The following TLE1 variants were observed in gnomAD, a reference collection of about 807,000 sequenced individuals.
The protein encoded by TLE1 is transducin-like enhancer protein 1.
A neutral mutation model predicts 89.8 loss-of-function variants in TLE1; 21 were observed. The ratio of observed to expected loss-of-function variants is 0.23; its 90% CI spans 0.17 to 0.34. The LOEUF (loss-of-function observed/expected upper bound fraction) is 0.34. TLE1 is among the 10% of genes least tolerant of loss of function. The pLI, the probability that TLE1 is intolerant of heterozygous loss-of-function variation, is 1.00. For synonymous variants in TLE1, 447 were observed against 407.6 expected (o/e 1.10, Z -1.16); for missense variants, 795 against 1,031.2 (o/e 0.77, Z 3.14).
chr9:81,609,162 G>C (rs2132032604), intron 14 of TLE1, among the ~76,000 whole-genome samples: 1 of 150,508 alleles, frequency 6.6e-6, no homozygotes, highest in Admixed American at 6.6e-5. Flanking sequence ...TTCACTCACT[G>C]CAACCTCCGC....
intron 4 of TLE1, among the ~76,000 whole-genome samples, chr9:81,666,317 C>T (rs57208048): frequency 1.3e-5 from 2 of 152,046 alleles, no homozygotes; most frequent in East Asian, 3.9e-4. Context: ...CCCTGGGCCA[C>T]ACCCCAAGCA....
chr9:81,643,620 G>T (rs1828447456), intron 6 of TLE1, among the ~76,000 whole-genome samples: 1 of 142,270 alleles, frequency 7.0e-6, no homozygotes, highest in African/African-American at 3.1e-5. Flanking sequence ...TTGCAGCCTT[G>T]AAGTCCCAGA....
At chr9:81,614,178 G>C (rs1432349504) in intron 11 of TLE1, among the ~76,000 whole-genome samples, 1 of 151,978 alleles carries the variant, frequency 6.6e-6, no homozygotes, top group African/African-American at 2.4e-5. Context: ...AAAGTGCTGG[G>C]ATTACAGGCC....
intron 4 of TLE1, among the ~76,000 whole-genome samples, chr9:81,671,179 G>A (rs183005033): frequency 1.3e-5 from 2 of 151,510 alleles, no homozygotes; most frequent in Non-Finnish European, 2.9e-5. Context: ...AAACAAAAAA[G>A]AAACAAGGAT....
chr9:81,655,282 G>A (rs1045269884), intron 4 of TLE1, among the ~76,000 whole-genome samples: 1 of 152,086 alleles, frequency 6.6e-6, no homozygotes, highest in African/African-American at 2.4e-5. Flanking sequence ...AGAACTGCTT[G>A]AACGAGGGAG....
At chr9:81,671,709 A>C (rs1053057918) in intron 4 of TLE1, among the ~76,000 whole-genome samples, 44 of 152,274 alleles carry the variant, frequency 2.9e-4, no homozygotes, top group Admixed American at 2.9e-3. Context: ...AAACCTCCTT[A>C]TACTTCCTCC....
intron 14 of TLE1, among the ~76,000 whole-genome samples, chr9:81,595,406 C>A (rs754136309): frequency 1.3e-5 from 2 of 152,148 alleles, no homozygotes; most frequent in African/African-American, 2.4e-5. Flanking sequence ...GAATGCTCAA[C>A]GAACAAAGTC....
At position 81,635,042 on chromosome 9, in the gene TLE1, C is replaced by T. The variant is rs1041265955; in HGVS notation, c.373-741G>A. On this transcript the variant is annotated intron_variant, in intron 6 of 19. Transcript: ENST00000376499. ...CCCAGAAGGAATGAAGGCTCAAAGG[C>T]ACTGACTAAATTGCTGAAACTCTAT... 3.3e-5 allele frequency among the ~76,000 whole-genome samples: 5 copies of T among 152,102 alleles called. 1 individual carries two copies. The highest frequency in any genetic ancestry group is 3.3e-4 in the Admixed American group (5 of 15,268).
At position 81,610,207 on chromosome 9, in the gene TLE1, T is replaced by A; in HGVS notation, c.1331+13A>T. On this transcript the variant is annotated intron_variant, in intron 14 of 19. Coordinates refer to ENST00000376499, the MANE Select transcript of TLE1 (RefSeq NM_005077.5). Reference sequence around the variant, plus strand: ...CACCTTTAAAACAAAACCAAGGTCTTTGAGGTACTTACGGTTTCCCCCCAG... The same window carrying A: ...CACCTTTAAAACAAAACCAAGGTCTATGAGGTACTTACGGTTTCCCCCCAG... 2 of 1,611,910 alleles carry A rather than the reference T, an allele frequency of 1.2e-6. No homozygotes were observed. Among genetic ancestry groups the A allele is most frequent in the South Asian group, 2.2e-5 (2 of 90,678 alleles).
intron 4 of TLE1, among the ~76,000 whole-genome samples, chr9:81,673,607 G>T (rs916120284): frequency 3.9e-5 from 6 of 152,076 alleles, no homozygotes; most frequent in Non-Finnish European, 7.4e-5. Context: ...CTATGGGGTA[G>T]GTGCTACTGT....
At chr9:81,687,149 G>A (rs1834392238) in intron 2 of TLE1, among the ~76,000 whole-genome samples, 185 bp downstream of exon 2, 1 of 152,222 alleles carries the variant, frequency 6.6e-6, no homozygotes, top group South Asian at 2.1e-4. Context: ...AGGAGGAGGA[G>A]ACAAGAGAAG....
intron 4 of TLE1, among the ~76,000 whole-genome samples, chr9:81,654,258 G>GATGA (rs1829891110): frequency 6.6e-6 from 1 of 152,190 alleles, no homozygotes; most frequent in Non-Finnish European, 1.5e-5. Flanking sequence ...TGTAATAAGA[G>GATGA]ATGAGTAGTT....
intron 16 of TLE1, among the ~76,000 whole-genome samples, chr9:81,590,066 C>A (rs1449946448): frequency 6.6e-6 from 1 of 152,232 alleles, no homozygotes; most frequent in Admixed American, 6.5e-5. Flanking sequence ...GCAGGGACGG[C>A]TTCCCAGCAA....
chr9:81,657,722 C>A (rs1340446228), intron 4 of TLE1, among the ~76,000 whole-genome samples: 1 of 152,004 alleles, frequency 6.6e-6, no homozygotes, highest in Non-Finnish European at 1.5e-5. Flanking sequence ...TCTAAGGATG[C>A]TCAAGTCCTT....
intron 4 of TLE1, among the ~76,000 whole-genome samples, chr9:81,663,691 C>T (rs1052009531): frequency 2.7e-5 from 4 of 149,938 alleles, no homozygotes; most frequent in Non-Finnish European, 4.4e-5. Flanking sequence ...GGCGCAATCT[C>T]GGCTCACTGC....
At chr9:81,590,702 G>C in intron 16 of TLE1, 103 bp downstream of exon 16, 1 of 1,523,476 alleles carries the variant, frequency 6.6e-7, no homozygotes, top group East Asian at 2.3e-5. Context: ...TGGCATTCAA[G>C]AGGCTCTTAT....
intron 14 of TLE1, among the ~76,000 whole-genome samples, chr9:81,609,793 A>G (rs1823467014): frequency 6.6e-6 from 1 of 152,186 alleles, no homozygotes; most frequent in African/African-American, 2.4e-5. Context: ...GAGCTGAGTA[A>G]AGAGATGACA....
chr9:81,686,336 T>C (rs1430931241), intron 2 of TLE1, among the ~76,000 whole-genome samples: 5 of 152,234 alleles, frequency 3.3e-5, no homozygotes. Flanking sequence ...ACTCCTACAA[T>C]TGCTGGTCCC....
In TLE1 at chr9:81,688,463, G is replaced by A. The variant is rs938136114; in HGVS notation, c.-223C>T. ...GGCTCCGGCCCTCAGGGCCACATTA[G>A]TGGGCGCCCCAGGCCCAGCTGCTTC... On this transcript the variant is annotated 5_prime_UTR_variant, in exon 1 of 20. Transcript: ENST00000376499. 3 of 458,574 alleles carry A rather than the reference G, an allele frequency of 6.5e-6. No individual in the cohort carries two copies. The highest frequency in any genetic ancestry group is 4.5e-5 in the Admixed American group (1 of 22,028). The allele number at this position is 458,574 out of a possible 1,614,324, so 28.4% of individuals were successfully genotyped here.
Sources: allele counts gnomAD v4.1 joint callset (sites outside exome capture counted in the v4.1 genomes callset), GRCh38; gene constraint gnomAD v4.1.1; transcripts MANE v1.5; gene names NCBI Gene and HGNC (gene_info 2026-07-23, HGNC 2026-07-21).